Variants in ERC1 observed in about 807,000 individuals in gnomAD.
ERC1 encodes the protein RAB6 interacting protein 2.
ERC1 carries 56 observed loss-of-function variants against 132.0 expected under a neutral mutation model. The observed-to-expected ratio is 0.42, with a 90% CI of 0.34 to 0.53. The LOEUF (loss-of-function observed/expected upper bound fraction) is 0.53. Ranked by LOEUF, ERC1 falls within the 20% of genes least tolerant of loss-of-function variation. The pLI is 0.03. For synonymous variants in ERC1, 478 were observed against 476.1 expected (o/e 1.00, Z -0.05); for missense variants, 1,202 against 1,349.9 (o/e 0.89, Z 1.72).
intron 15 of ERC1, among the ~76,000 whole-genome samples, chr12:1,300,061 A>G (rs2080271343): frequency 6.6e-6 from 1 of 152,198 alleles, no homozygotes; most frequent in South Asian, 2.1e-4. Context: ...CCCAACTTCA[A>G]ACTATACTAC....
chr12:1,303,948 C>A (rs1359825648), intron 15 of ERC1, among the ~76,000 whole-genome samples: 2 of 101,254 alleles, frequency 2.0e-5, no homozygotes, highest in African/African-American at 5.2e-5. Context: ...AGCAAAACTC[C>A]ATCTCAGAAA....
chr12:1,287,519 C>T lies in ERC1; in HGVS notation c.2620-2333C>T, dbSNP rs74930723. 6.6e-3 allele frequency among the ~76,000 whole-genome samples: 1,009 copies of T among 152,228 alleles called. 11 individuals are homozygous for T. Among genetic ancestry groups the T allele is most frequent in the African/African-American group, 0.023 (945 of 41,530 alleles). On this transcript the variant is annotated intron_variant, in intron 14 of 18. Transcript: ENST00000360905. ...GATTGCCCTCCCTGATGTGGGTGGG[C>T]CTTATCCAGTCAGTTAAAGGCCTGA...
At chr12:1,011,043 TAATG>T (rs1964602156) in intron 1 of ERC1, among the ~76,000 whole-genome samples, 1 of 152,142 alleles carries the variant, frequency 6.6e-6, no homozygotes, top group South Asian at 2.1e-4. Context: ...TTATTGGAAA[TAATG>T]AAAAATTTTA....
At chr12:1,453,699 G>A (rs892808479) in intron 18 of ERC1, among the ~76,000 whole-genome samples, 7 of 151,976 alleles carry the variant, frequency 4.6e-5, no homozygotes, top group Non-Finnish European at 8.8e-5. Flanking sequence ...TCTTTATTGT[G>A]TGTGATTGTA....
intron 2 of ERC1, among the ~76,000 whole-genome samples, chr12:1,054,895 A>T (rs528487550): frequency 1.3e-4 from 20 of 152,318 alleles, no homozygotes; most frequent in African/African-American, 4.8e-4. Context: ...TTTTATAAAC[A>T]TGAATTTCTG....
Position 1,490,292 on chromosome 12 carries a change from G to A in ERC1, c.*62G>A, listed in dbSNP as rs932661629. 16 of 1,549,250 alleles carry A rather than the reference G, an allele frequency of 1.0e-5. No individual in the cohort carries two copies. The highest frequency in any genetic ancestry group is 2.3e-5 in the East Asian group (1 of 44,058). On this transcript the variant is annotated 3_prime_UTR_variant, in exon 19 of 19. Transcript: ENST00000360905. ...GGAGCCAAGAAAAGAGAACTACGAG[G>A]AACAGGTGCCCGGAACCTTCTTGGC...
At chr12:1,133,667 G>C (rs1206797788) in intron 7 of ERC1, among the ~76,000 whole-genome samples, 1 of 152,074 alleles carries the variant, frequency 6.6e-6, no homozygotes, top group Non-Finnish European at 1.5e-5. Context: ...GGAGTGTTGT[G>C]ATTTTTACTC....
At position 1,418,665 on chromosome 12, in the gene ERC1, CTTT is replaced by C. The variant is rs1249530675; in HGVS notation, c.3024+10420_3024+10422del. ...TTTCTCTCTCTCTCTCTCTCTCTTT[CTTT>C]TCTTTCTTTCTTTCTTTCTTTCTTT... On this transcript the variant is annotated intron_variant, in intron 17 of 18. Coordinates refer to ENST00000360905, the MANE Select transcript of ERC1 (RefSeq NM_178040.4). 3.2e-3 allele frequency among the ~76,000 whole-genome samples: 270 copies of C among 84,090 alleles called. 1 individual carries two copies. The highest frequency in any genetic ancestry group is 0.016 in the African/African-American group (259 of 16,424). The allele number at this position is 84,090 out of a possible 152,430, so 55.2% of individuals were successfully genotyped here. A position where few individuals can be genotyped will look rare whatever the true frequency, so the allele number is the denominator to read the frequency against.
intron 15 of ERC1, among the ~76,000 whole-genome samples, chr12:1,327,609 T>C (rs1485119606): frequency 1.3e-5 from 2 of 152,140 alleles, no homozygotes; most frequent in African/African-American, 4.8e-5. Context: ...TTAGCTCCCT[T>C]CTCTTCTTCT....
At chr12:1,394,015 C>CAAAAAAAAAAAAA (rs1216337061) in intron 16 of ERC1, among the ~76,000 whole-genome samples, 3 of 26,932 alleles carry the variant, frequency 1.1e-4, no homozygotes, top group Admixed American at 3.6e-4. Flanking sequence ...GACTCCGTCT[C>CAAAAAAAAAAAAA]AAAAAAAAAA....
intron 15 of ERC1, among the ~76,000 whole-genome samples, chr12:1,305,257 T>G (rs1206451934): frequency 3.3e-5 from 5 of 152,204 alleles, no homozygotes; most frequent in Non-Finnish European, 7.3e-5. Flanking sequence ...GTGCTTGGGA[T>G]TCTGTGTGTC....
intron 17 of ERC1, among the ~76,000 whole-genome samples, chr12:1,423,041 A>C (rs891757111): frequency 5.3e-5 from 8 of 152,204 alleles, no homozygotes; most frequent in Admixed American, 2.0e-4. Context: ...CAATGCCCTG[A>C]GTTCCTACAT....
rs1015341608 is a variant in ERC1, at chr12:1,083,010, A to G, written c.670-154A>G. 18 of 633,066 alleles carry G rather than the reference A, an allele frequency of 2.8e-5. No homozygotes were observed. Among genetic ancestry groups the G allele is most frequent in the Admixed American group, 1.9e-4 (6 of 31,216 alleles). The allele number at this position is 633,066 out of a possible 1,614,324, so 39.2% of individuals were successfully genotyped here. A position where few individuals can be genotyped will look rare whatever the true frequency, so the allele number is the denominator to read the frequency against. On this transcript the variant is annotated intron_variant, in intron 2 of 18. Transcript: ENST00000360905. ...TACTGACATTTTGCATATTATCTCA[A>G]TCATTTTTTAAGGACCTGTAAAACA...
At chr12:1,325,862 C>T (rs1216658009) in intron 15 of ERC1, among the ~76,000 whole-genome samples, 2 of 151,996 alleles carry the variant, frequency 1.3e-5, no homozygotes, top group East Asian at 3.9e-4. Flanking sequence ...TTCTCCAAAC[C>T]TGTTTGCATC....
chr12:1,065,815 TAGAGTA>T (rs573234750), intron 2 of ERC1, among the ~76,000 whole-genome samples: 5 of 152,206 alleles, frequency 3.3e-5, no homozygotes, highest in Non-Finnish European at 7.4e-5. Flanking sequence ...GGCCGTACAA[TAGAGTA>T]GTATTCAGCC....
chr12:1,177,871 C>T (rs1013749400), intron 8 of ERC1, among the ~76,000 whole-genome samples: 6 of 152,234 alleles, frequency 3.9e-5, no homozygotes, highest in South Asian at 4.1e-4. Flanking sequence ...CAGGTATACC[C>T]GTATATGGAG....
intron 12 of ERC1, among the ~76,000 whole-genome samples, chr12:1,236,333 T>C (rs2075410495): frequency 6.6e-6 from 1 of 152,202 alleles, no homozygotes; most frequent in African/African-American, 2.4e-5. Flanking sequence ...CTACATTATA[T>C]ACAGTGTATT....
intron 8 of ERC1, among the ~76,000 whole-genome samples, chr12:1,143,329 C>CGTGT (rs4017792): frequency 0.061 from 7,883 of 128,846 alleles, 342 homozygotes; most frequent in East Asian, 0.11. Flanking sequence ...GCTTTTGACT[C>CGTGT]GTGTGTGTGT....
chr12:1,156,064 A>C (rs1424437592), intron 8 of ERC1, among the ~76,000 whole-genome samples: 1 of 152,002 alleles, frequency 6.6e-6, no homozygotes, highest in African/African-American at 2.4e-5. Flanking sequence ...AAACAACTGG[A>C]ATCATACTTT....
Sources: allele counts gnomAD v4.1 joint callset (sites outside exome capture counted in the v4.1 genomes callset), GRCh38; gene constraint gnomAD v4.1.1; transcripts MANE v1.5; gene names NCBI Gene and HGNC (gene_info 2026-07-23, HGNC 2026-07-21).